Variants in NEXMIF observed in about 807,000 individuals in gnomAD.
NEXMIF encodes the protein XLMR protein related to neurite extension.
A neutral mutation model predicts 62.1 loss-of-function variants in NEXMIF; 8 were observed. The observed-to-expected ratio is 0.13, with a 90% CI of 0.08 to 0.23. The LOEUF is 0.23. NEXMIF is among the 10% of genes least tolerant of loss of function. The probability of loss-of-function intolerance (pLI) is 1.00; values close to 1 mark genes in which losing one functional copy is unlikely to be tolerated. For synonymous variants in NEXMIF, 404 were observed against 416.6 expected, an observed-to-expected ratio of 0.97 and a Z score of 0.37; for missense variants, 976 against 1,113.3, an observed-to-expected ratio of 0.88 and a Z score of 1.75.
chrX:74,902,981 C>T (rs1489604609), intron 1 of NEXMIF, among the ~76,000 whole-genome samples: 1 of 111,281 alleles, frequency 9.0e-6, no homozygotes, highest in African/African-American at 3.3e-5. Context: ...AAGGCCACTC[C>T]TTATTAAGGG....
At chrX:74,796,020 A>G (rs1478101698) in intron 1 of NEXMIF, among the ~76,000 whole-genome samples, 1 of 97,328 alleles carries the variant, frequency 1.0e-5, no homozygotes, top group Non-Finnish European at 2.0e-5. Flanking sequence ...GGGGGAAGTT[A>G]CAGATAAAAA....
chrX:74,848,879 T>G (rs1489951353), intron 1 of NEXMIF, among the ~76,000 whole-genome samples: 1 of 111,783 alleles, frequency 8.9e-6, no homozygotes, highest in Non-Finnish European at 1.9e-5. Context: ...TTCCACCACA[T>G]GAAGAAACAG....
chrX:74,912,297 A>G (rs1276521754), intron 1 of NEXMIF, among the ~76,000 whole-genome samples: 1 of 111,353 alleles, frequency 9.0e-6, no homozygotes, highest in Non-Finnish European at 1.9e-5. Flanking sequence ...AACTAAATGA[A>G]TACCCTTTTC....
In NEXMIF at chrX:74,748,605, T is replaced by C. The variant is rs548968630; in HGVS notation, c.-47-2908A>G. 2.4e-4 allele frequency among the ~76,000 whole-genome samples: 27 copies of C among 112,255 alleles called. No homozygotes were observed. In the South Asian group the frequency reaches 9.5e-3, roughly 40 times the overall value. ...CAACAAATTGCTTTGCTGATCACAG[T>C]AAATTACACAGTGTAATGGCATTAA... On this transcript the variant is annotated intron_variant, in intron 1 of 3. Coordinates refer to ENST00000055682, the MANE Select transcript of NEXMIF (RefSeq NM_001008537.3).
intron 1 of NEXMIF, among the ~76,000 whole-genome samples, chrX:74,922,337 GGTGTGTGT>G (rs3040908): frequency 0.019 from 1,873 of 100,553 alleles, 38 homozygotes; most frequent in African/African-American, 0.058. Flanking sequence ...GGGTGTTATG[GGTGTGTGT>G]GTGTGTGTGT....
intron 1 of NEXMIF, among the ~76,000 whole-genome samples, chrX:74,872,858 G>A (rs996287903): frequency 9.1e-5 from 10 of 109,504 alleles, no homozygotes; most frequent in African/African-American, 3.0e-4. Flanking sequence ...ATATTATAAT[G>A]GAGTAGAAAA....
intron 1 of NEXMIF, among the ~76,000 whole-genome samples, chrX:74,878,371 G>A (rs2080647307): frequency 8.9e-6 from 1 of 112,135 alleles, no homozygotes; most frequent in Admixed American, 9.4e-5. Flanking sequence ...TGCGTGCTGG[G>A]AGAACCACTG....
intron 1 of NEXMIF, among the ~76,000 whole-genome samples, chrX:74,903,325 TACACACACACACACACACACACAC>T (rs397897060): frequency 2.9e-4 from 15 of 51,249 alleles, no homozygotes; most frequent in South Asian, 1.7e-3. Context: ...TTCTCAGGCA[TACACACACACACACACACACACAC>T]ACACACACAC....
At chrX:74,902,514 C>T (rs1030673562) in intron 1 of NEXMIF, among the ~76,000 whole-genome samples, 2 of 110,836 alleles carry the variant, frequency 1.8e-5, no homozygotes, top group Non-Finnish European at 3.8e-5. Context: ...GGGGAGGGTA[C>T]AAAAAGACTG....
intron 1 of NEXMIF, among the ~76,000 whole-genome samples, chrX:74,792,952 A>G (rs2147465661): frequency 9.3e-6 from 1 of 107,177 alleles, no homozygotes; most frequent in South Asian, 4.3e-4. Flanking sequence ...GTGTCTTTTA[A>G]TTGGAGCATT....
At chrX:74,822,576 C>T (rs1204320103) in intron 1 of NEXMIF, among the ~76,000 whole-genome samples, 1 of 111,644 alleles carries the variant, frequency 9.0e-6, no homozygotes, top group Non-Finnish European at 1.9e-5. Context: ...TAAAAATGGG[C>T]AAAGAGTCTG....
chrX:74,848,695 A>T (rs1225447091), intron 1 of NEXMIF, among the ~76,000 whole-genome samples: 1 of 112,656 alleles, frequency 8.9e-6, no homozygotes, highest in Non-Finnish European at 1.9e-5. Context: ...AAAAAAAATG[A>T]ATATTAAAAG....
intron 1 of NEXMIF, among the ~76,000 whole-genome samples, chrX:74,923,152 A>C (rs924097640): frequency 2.7e-5 from 3 of 112,000 alleles, no homozygotes; most frequent in Non-Finnish European, 5.6e-5. Context: ...CAAAAACAAG[A>C]AGCTCATTTT....
At chrX:74,825,263 C>A (rs1205852785) in intron 1 of NEXMIF, among the ~76,000 whole-genome samples, 2 of 111,412 alleles carry the variant, frequency 1.8e-5, no homozygotes, top group Non-Finnish European at 3.8e-5. Flanking sequence ...TTCAGAGATA[C>A]ATGTGCAGGT....
chrX:74,860,277 G>A (rs981943862), intron 1 of NEXMIF, among the ~76,000 whole-genome samples: 1 of 111,602 alleles, frequency 9.0e-6, no homozygotes, highest in East Asian at 2.8e-4. Context: ...TTACAGCTAA[G>A]GAAAGAAATA....
chrX:74,818,930 T>G (rs1361512994), intron 1 of NEXMIF, among the ~76,000 whole-genome samples: 2 of 111,428 alleles, frequency 1.8e-5, no homozygotes, highest in African/African-American at 6.5e-5. Flanking sequence ...TCAGAATAGC[T>G]ATCATTCAAA....
chrX:74,874,233 C>T (rs2080617975), intron 1 of NEXMIF, among the ~76,000 whole-genome samples: 1 of 109,391 alleles, frequency 9.1e-6, no homozygotes, highest in Non-Finnish European at 1.9e-5. Context: ...TTCCCAGCAC[C>T]ATTTATTAAA....
chrX:74,894,442 A>G (rs1293323489), intron 1 of NEXMIF, among the ~76,000 whole-genome samples: 1 of 112,113 alleles, frequency 8.9e-6, no homozygotes, highest in Non-Finnish European at 1.9e-5. Context: ...TACTCAGACT[A>G]TGCCAAAAAA....
chrX:74,827,955 C>T (rs1249982292), intron 1 of NEXMIF, among the ~76,000 whole-genome samples: 1 of 111,699 alleles, frequency 9.0e-6, no homozygotes, highest in African/African-American at 3.3e-5. Context: ...AACAGATATC[C>T]CATAAAATTG....
Sources: allele counts gnomAD v4.1 joint callset (sites outside exome capture counted in the v4.1 genomes callset), GRCh38; gene constraint gnomAD v4.1.1; transcripts MANE v1.5; gene names NCBI Gene and HGNC (gene_info 2026-07-23, HGNC 2026-07-21).